PLCB1: variants seen among roughly 807,000 people sequenced by gnomAD.
The protein encoded by PLCB1 is phospholipase C beta 1.
Under a neutral mutation model 161.8 loss-of-function variants are expected in PLCB1, and 46 were observed. The observed-to-expected ratio is 0.28, with a 90% CI of 0.22 to 0.36. The LOEUF (loss-of-function observed/expected upper bound fraction) is 0.36, where lower values mean the gene tolerates loss of function less well. PLCB1 is among the 10% of genes least tolerant of loss of function. The pLI is 1.00. For synonymous variants in PLCB1, 517 were observed against 503.7 expected (o/e 1.03, Z -0.35); for missense variants, 1,016 against 1,472.5 (o/e 0.69, Z 5.07).
chr20:8,624,717 A>G (rs755409743), intron 3 of PLCB1, among the ~76,000 whole-genome samples: 3 of 152,222 alleles, frequency 2.0e-5, no homozygotes, highest in Admixed American at 1.3e-4. Context: ...GCAAAACTCA[A>G]CTTTCTTTGC....
At chr20:8,688,653 G>A (rs4264626) in intron 10 of PLCB1, among the ~76,000 whole-genome samples, 99,908 of 151,960 alleles carry the variant, frequency 0.66, 33,933 homozygotes, top group South Asian at 0.78. Flanking sequence ...TCAGTTGGCT[G>A]TAAGTATTTG....
chr20:8,809,342 CGGTGCTCTCACTATTGCT>C (rs1364049993), intron 31 of PLCB1, among the ~76,000 whole-genome samples: 1 of 152,062 alleles, frequency 6.6e-6, no homozygotes, highest in African/African-American at 2.4e-5. Context: ...TCACTATTGC[CGGTGCTCTCACTATTGCT>C]GGTGCTCTCT....
intron 14 of PLCB1, among the ~76,000 whole-genome samples, chr20:8,720,407 G>A (rs1979560425): frequency 6.6e-6 from 1 of 152,116 alleles, no homozygotes; most frequent in Admixed American, 6.5e-5. Flanking sequence ...TTAATATGTA[G>A]GTACCTGAAT....
chr20:8,802,081 C>G (rs1361878097), intron 31 of PLCB1: 1 of 1,610,702 alleles, frequency 6.2e-7, no homozygotes, highest in African/African-American at 1.3e-5. Context: ...TCATTCTTGT[C>G]GGAAACTTGC....
intron 23 of PLCB1, among the ~76,000 whole-genome samples, chr20:8,741,774 G>T (rs1379586552): frequency 1.3e-5 from 2 of 152,182 alleles, no homozygotes; most frequent in Non-Finnish European, 2.9e-5. Context: ...TTGGCATTCT[G>T]TGGATACCAC....
intron 3 of PLCB1, among the ~76,000 whole-genome samples, chr20:8,445,048 T>G (rs1980756387): frequency 6.6e-6 from 1 of 152,238 alleles, no homozygotes; most frequent in African/African-American, 2.4e-5. Flanking sequence ...TTCTTTAGTT[T>G]AATTAGATCC....
chr20:8,391,824 T>A (rs62195955), intron 3 of PLCB1, among the ~76,000 whole-genome samples: 2 of 115,402 alleles, frequency 1.7e-5, no homozygotes, highest in Non-Finnish European at 3.6e-5. Flanking sequence ...TATATATATA[T>A]ACACACACAT....
chr20:8,505,166 G>T (rs955320967), intron 3 of PLCB1, among the ~76,000 whole-genome samples: 5 of 152,210 alleles, frequency 3.3e-5, no homozygotes, highest in Admixed American at 3.3e-4. Flanking sequence ...TACCTAGCCA[G>T]ATAGTTCTTA....
rs569038944 is a variant in PLCB1, at chr20:8,171,394, ATATGT to A, written c.177+21030_177+21034del. ...CATATATTCATCATTTTATTTGTTC[ATATGT>A]TATGTTTTTTGTTGTTGTTGTATGG... is the stretch of plus-strand genomic sequence containing the variant. On this transcript the variant is annotated intron_variant, in intron 2 of 31. Transcript: ENST00000338037. Among the ~76,000 whole-genome samples, 193 of 152,184 alleles carry A rather than the reference ATATGT, an allele frequency of 1.3e-3. 1 individual carries two copies. Among genetic ancestry groups the A allele is most frequent in the African/African-American group, 4.5e-3 (185 of 41,528 alleles).
intron 11 of PLCB1, among the ~76,000 whole-genome samples, chr20:8,702,615 A>AG (rs1219858028): frequency 6.6e-6 from 1 of 152,192 alleles, no homozygotes; most frequent in Non-Finnish European, 1.5e-5. Flanking sequence ...AAGGATTTCA[A>AG]GGCCAGTTTG....
At chr20:8,846,008 A>G (rs1473162845) in intron 31 of PLCB1, among the ~76,000 whole-genome samples, 1 of 152,192 alleles carries the variant, frequency 6.6e-6, no homozygotes, top group African/African-American at 2.4e-5. Context: ...ACACGAAGGA[A>G]TTGCAACTAT....
chr20:8,578,072 T>C (rs1032795306), intron 3 of PLCB1, among the ~76,000 whole-genome samples: 1 of 152,236 alleles, frequency 6.6e-6, no homozygotes, highest in African/African-American at 2.4e-5. Flanking sequence ...TCCTAACCTC[T>C]GTAAGCCTTT....
At chr20:8,306,903 A>G (rs1984159069) in intron 2 of PLCB1, among the ~76,000 whole-genome samples, 1 of 152,242 alleles carries the variant, frequency 6.6e-6, no homozygotes. Context: ...TTAAGCTAGA[A>G]CTGAGCACAT....
intron 27 of PLCB1, among the ~76,000 whole-genome samples, chr20:8,784,786 A>G (rs1281632145): frequency 2.0e-5 from 3 of 152,326 alleles, no homozygotes; most frequent in Non-Finnish European, 4.4e-5. Context: ...TCACATTAAG[A>G]TGCTTTTTCC....
chr20:8,812,052 G>A (rs1177610594), intron 31 of PLCB1, among the ~76,000 whole-genome samples: 2 of 150,828 alleles, frequency 1.3e-5, no homozygotes, highest in African/African-American at 2.5e-5. Flanking sequence ...AGAGAGGAAG[G>A]TATTTTTTTT....
intron 2 of PLCB1, among the ~76,000 whole-genome samples, chr20:8,262,941 A>G (rs527414745): frequency 2.0e-5 from 3 of 152,156 alleles, no homozygotes; most frequent in Non-Finnish European, 4.4e-5. Context: ...CCCTCTGATG[A>G]CCTAATCTAA....
At chr20:8,829,259 G>A (rs762600775) in intron 31 of PLCB1, among the ~76,000 whole-genome samples, 8 of 152,106 alleles carry the variant, frequency 5.3e-5, no homozygotes, top group Non-Finnish European at 8.8e-5. Context: ...GGAAAAGTCC[G>A]TGACCCCAAA....
At chr20:8,441,651 G>T (rs1980566428) in intron 3 of PLCB1, among the ~76,000 whole-genome samples, 2 of 152,196 alleles carry the variant, frequency 1.3e-5, no homozygotes, top group Admixed American at 6.5e-5. Context: ...CCAGGCAGGT[G>T]TGAAACATAA....
chr20:8,142,136 G>A (rs2051410750), intron 1 of PLCB1, among the ~76,000 whole-genome samples: 1 of 152,186 alleles, frequency 6.6e-6, no homozygotes, highest in Non-Finnish European at 1.5e-5. Context: ...CATAGGCCTG[G>A]CACTGGGAGG....
Sources: allele counts gnomAD v4.1 joint callset (sites outside exome capture counted in the v4.1 genomes callset), GRCh38; gene constraint gnomAD v4.1.1; transcripts MANE v1.5; gene names NCBI Gene and HGNC (gene_info 2026-07-23, HGNC 2026-07-21).